CFH: variants seen among roughly 807,000 people sequenced by gnomAD.
CFH encodes the protein complement factor H, also known as H factor 1 (complement).
In CFH, 53 loss-of-function variants were observed where a neutral mutation model predicts 147.3. The ratio of observed to expected loss-of-function variants is 0.36; its 90% CI spans 0.29 to 0.45. CFH has a LOEUF of 0.45. Among genes scored for constraint, CFH ranks in the 20% least tolerant of loss-of-function variants. CFH has a pLI of 1.00. For missense variants in CFH, 1,380 were observed against 1,498.0 expected (o/e 0.92, Z 1.30); for synonymous variants, 536 against 489.4 (o/e 1.10, Z -1.26).
chr1:196,666,287 T>C (rs1667082161), intron 1 of CFH, among the ~76,000 whole-genome samples: 1 of 152,198 alleles, frequency 6.6e-6, no homozygotes, highest in Non-Finnish European at 1.5e-5. Flanking sequence ...TAGATTTCAT[T>C]TAATGTTTTA....
rs914465828 is a variant in CFH, at chr1:196,671,498, C to T, written c.59-1480C>T. ...GTAACACTTTTAGTTTGAGTCAGTC[C>T]CATTTCTGGTTTCTAGTCTCAAAGA... is the stretch of plus-strand genomic sequence containing the variant. On this transcript the variant is annotated intron_variant, in intron 1 of 21. Coordinates refer to ENST00000367429, the MANE Select transcript of CFH (RefSeq NM_000186.4). Among the ~76,000 whole-genome samples the T allele has an allele frequency of 4.7e-5, 7 of 150,276 alleles. No individual in the cohort carries two copies. In the Admixed American group the frequency reaches 4.7e-4, roughly 10 times the overall value.
intron 1 of CFH, among the ~76,000 whole-genome samples, chr1:196,657,469 A>G (rs1666742697): frequency 6.6e-6 from 1 of 152,174 alleles, no homozygotes; most frequent in African/African-American, 2.4e-5. Flanking sequence ...GCAAAACTTA[A>G]GCATAGGAAA....
At chr1:196,701,506 C>T in intron 9 of CFH, 1 of 924,730 alleles carries the variant, frequency 1.1e-6, no homozygotes, top group Non-Finnish European at 1.6e-6. Context: ...AATTCAGCTC[C>T]TCCAGGCAGC....
At chr1:196,728,733 G>A (rs112137282) in intron 15 of CFH, among the ~76,000 whole-genome samples, 4,172 of 145,076 alleles carry the variant, frequency 0.029, 189 homozygotes, top group African/African-American at 0.099. Context: ...ACACACACAC[G>A]CACACACACA....
chr1:196,686,082 C>G (rs1410501062), intron 7 of CFH, among the ~76,000 whole-genome samples: 1 of 152,000 alleles, frequency 6.6e-6, no homozygotes, highest in Non-Finnish European at 1.5e-5. Flanking sequence ...GTGCTACACA[C>G]TTTTAAACAA....
intron 1 of CFH, among the ~76,000 whole-genome samples, chr1:196,667,446 C>T (rs1048564580): frequency 2.6e-5 from 4 of 152,100 alleles, no homozygotes; most frequent in African/African-American, 9.7e-5. Flanking sequence ...AAATGACTCT[C>T]TTTTTATCTA....
chr1:196,732,912 T>C (rs1031862254), intron 15 of CFH, among the ~76,000 whole-genome samples: 4 of 152,124 alleles, frequency 2.6e-5, no homozygotes, highest in African/African-American at 4.8e-5. Context: ...CCTGTACTAA[T>C]ATTCAGGCTG....
intron 15 of CFH, among the ~76,000 whole-genome samples, chr1:196,730,231 A>G (rs1669250810): frequency 6.6e-6 from 1 of 151,878 alleles, no homozygotes; most frequent in Non-Finnish European, 1.5e-5. Context: ...TCCTAAAAAC[A>G]TCCATCTTAG....
At chr1:196,672,938 TA>T in intron 1 of CFH, 39 bp from the exon 2 acceptor site, 10 of 1,540,994 alleles carry the variant, frequency 6.5e-6, no homozygotes, top group Non-Finnish European at 9.0e-6. Flanking sequence ...TACATTTAAA[TA>T]GACACTTTAT....
At chr1:196,737,174 G>T (rs754172545) in intron 16 of CFH, among the ~76,000 whole-genome samples, 168 bp downstream of exon 16, 1 of 152,006 alleles carries the variant, frequency 6.6e-6, no homozygotes, top group South Asian at 2.1e-4. Context: ...TCAGTTTTTT[G>T]AACAAAATAC....
At chr1:196,733,822 C>G (rs1669337276) in intron 15 of CFH, among the ~76,000 whole-genome samples, 2 of 152,044 alleles carry the variant, frequency 1.3e-5, no homozygotes, top group South Asian at 4.1e-4. Context: ...GTGCCTGATG[C>G]AAGTTCATTA....
chr1:196,690,575 T>C (rs939518030), intron 9 of CFH, among the ~76,000 whole-genome samples: 5 of 151,938 alleles, frequency 3.3e-5, no homozygotes, highest in African/African-American at 1.2e-4. Context: ...CCAAGAAGAT[T>C]AAGGACGTGG....
chr1:196,675,230 G>T (rs1194580869), intron 3 of CFH, among the ~76,000 whole-genome samples: 1 of 152,096 alleles, frequency 6.6e-6, no homozygotes, highest in Non-Finnish European at 1.5e-5. Flanking sequence ...ATGTCCCAGG[G>T]AACTCATATT....
At chr1:196,732,533 T>C (rs558871330) in intron 15 of CFH, among the ~76,000 whole-genome samples, 1 of 152,182 alleles carries the variant, frequency 6.6e-6, no homozygotes, top group East Asian at 1.9e-4. Context: ...CTTGTTTCTT[T>C]ATTTTCTTTA....
chr1:196,658,629 G>A (rs1361628773), intron 1 of CFH, among the ~76,000 whole-genome samples: 2 of 151,854 alleles, frequency 1.3e-5, no homozygotes, highest in African/African-American at 4.8e-5. Flanking sequence ...GTGTTAGTCA[G>A]GATGGTCTGG....
intron 1 of CFH, among the ~76,000 whole-genome samples, chr1:196,661,283 G>A (rs771437430): frequency 1.3e-5 from 2 of 152,092 alleles, no homozygotes; most frequent in Non-Finnish European, 2.9e-5. Context: ...TTTATATGGT[G>A]TTTTCTTTCT....
At chr1:196,706,213 T>C (rs1668585212) in intron 9 of CFH, among the ~76,000 whole-genome samples, 1 of 152,186 alleles carries the variant, frequency 6.6e-6, no homozygotes, top group Non-Finnish European at 1.5e-5. Context: ...ATTCCAGGTA[T>C]GTTTTTATTG....
At chr1:196,685,956 T>G (rs1667811313) in intron 7 of CFH, among the ~76,000 whole-genome samples, 1 of 152,110 alleles carries the variant, frequency 6.6e-6, no homozygotes, top group Non-Finnish European at 1.5e-5. Flanking sequence ...TTCCACAGCC[T>G]GTACAGGAAG....
rs1291371710 is a variant in CFH at position 196,685,151 on chromosome 1, A to G, written c.878A>G (p.Gln293Arg). The change falls in exon 7 of 22, where the codon CAG becomes CGG. Residue 293 changes from glutamine (Q) to arginine (R), a missense_variant. Coordinates refer to ENST00000367429, the MANE Select transcript of CFH (RefSeq NM_000186.4). ...AGAACTGGAGATGAAATCACGTACCAGTGTAGAAATGGTTTTTATCCTGCA... is the reference window on the plus strand; with the variant it reads ...AGAACTGGAGATGAAATCACGTACCGGTGTAGAAATGGTTTTTATCCTGCA... Reference protein sequence around the residue: ...KHRTGDEITYQCRNGFYPATR... With the variant: ...KHRTGDEITYRCRNGFYPATR... 1.2e-6 allele frequency: 2 copies of G among 1,612,968 alleles called. No individual in the cohort carries two copies. The highest frequency in any genetic ancestry group is 1.7e-6 in the Non-Finnish European group (2 of 1,179,204).
Sources: allele counts gnomAD v4.1 joint callset (sites outside exome capture counted in the v4.1 genomes callset), GRCh38; gene constraint gnomAD v4.1.1; transcripts MANE v1.5; gene names NCBI Gene and HGNC (gene_info 2026-07-23, HGNC 2026-07-21).